Variants in TTC4 observed in about 807,000 individuals in gnomAD.
TTC4 encodes tetratricopeptide repeat domain 4, also known as hsp70/Hsp90 co-chaperone CNS1 homolog.
Under a neutral mutation model 51.9 loss-of-function variants are expected in TTC4, and 36 were observed. The observed-to-expected ratio is 0.69, with a 90% CI of 0.53 to 0.92. TTC4 has a LOEUF of 0.92. Ranked by LOEUF, TTC4 falls within the 40% of genes least tolerant of loss-of-function variation. The pLI, the probability that TTC4 is intolerant of heterozygous loss-of-function variation, is 0.00. For missense variants in TTC4, 399 were observed against 454.6 expected (o/e 0.88, Z 1.11); for synonymous variants, 144 against 164.2 (o/e 0.88, Z 0.94).
chr1:54,729,013 C>T (rs1645834433), intron 6 of TTC4, among the ~76,000 whole-genome samples: 1 of 152,178 alleles, frequency 6.6e-6, no homozygotes, highest in Non-Finnish European at 1.5e-5. Context: ...TTTATAGCTT[C>T]TATTTGGCAT....
chr1:54,732,944 G>A (rs952031912), intron 7 of TTC4, among the ~76,000 whole-genome samples: 1 of 151,430 alleles, frequency 6.6e-6, no homozygotes, highest in Non-Finnish European at 1.5e-5. Context: ...AAAATTAGCC[G>A]GGCATGGTGG....
At position 54,721,150 on chromosome 1, in the gene TTC4, G is replaced by A. The variant is rs909186373; in HGVS notation, c.392-13G>A. On this transcript the variant is annotated splice_polypyrimidine_tract_variant and intron_variant, in intron 3 of 9. Transcript: ENST00000371281. The stretch of plus-strand genomic sequence containing the variant: ...TCAAAACTTCTCTCTTTTACTAAAC[G>A]GTGTTTTGTTAGGCAATTTTCGTTC... The A allele has an allele frequency of 3.7e-6, 6 of 1,612,046 alleles. No homozygotes were observed. The highest frequency in any genetic ancestry group is 2.2e-5 in the South Asian group (2 of 90,968).
chr1:54,741,739 A>AT lies in TTC4; in HGVS notation c.*227dup, dbSNP rs1411127109. On this transcript the variant is annotated 3_prime_UTR_variant, in exon 10 of 10. Coordinates refer to ENST00000371281, the MANE Select transcript of TTC4 (RefSeq NM_004623.5). ...TGATATAAAACTCTGGGTCTTGGCC[A>AT]TGATGTCCTTGGACTCCATCGCTAA... 1 of 571,878 alleles carries AT rather than the reference A, an allele frequency of 1.7e-6. No homozygotes were observed. The highest frequency in any genetic ancestry group is 1.9e-5 in the African/African-American group (1 of 53,386). The allele number at this position is 571,878 out of a possible 1,614,324, so 35.4% of individuals were successfully genotyped here.
intron 8 of TTC4, chr1:54,736,708 G>C (rs1259183245): frequency 6.6e-6 from 1 of 152,368 alleles, no homozygotes; most frequent in Non-Finnish European, 1.5e-5. Context: ...TGTTTGATCA[G>C]TTCCCCTCCT....
intron 3 of TTC4, among the ~76,000 whole-genome samples, chr1:54,718,623 C>A (rs1645704819): frequency 6.6e-6 from 1 of 152,062 alleles, no homozygotes; most frequent in Non-Finnish European, 1.5e-5. Context: ...CTGAGATAGC[C>A]TGCAAGAAAA....
chr1:54,725,910 T>C (rs752841413), intron 5 of TTC4, among the ~76,000 whole-genome samples: 3 of 152,104 alleles, frequency 2.0e-5, no homozygotes, highest in Non-Finnish European at 2.9e-5. Context: ...GATGTATCAG[T>C]TGAGATTATC....
chr1:54,719,115 C>T (rs1343296072), intron 3 of TTC4, among the ~76,000 whole-genome samples: 1 of 152,058 alleles, frequency 6.6e-6, no homozygotes, highest in African/African-American at 2.4e-5. Flanking sequence ...GTCCAGAGAC[C>T]TACTGTTTTA....
At chr1:54,723,733 A>T (rs746738193) in intron 5 of TTC4, among the ~76,000 whole-genome samples, 27 of 152,326 alleles carry the variant, frequency 1.8e-4, no homozygotes, top group Non-Finnish European at 3.7e-4. Flanking sequence ...GTTTAACGTA[A>T]GGAATGTTTT....
chr1:54,739,057 A>T, intron 9 of TTC4, among the ~76,000 whole-genome samples: 1 of 149,916 alleles, frequency 6.7e-6, no homozygotes, highest in African/African-American at 2.5e-5. Context: ...TTTTAAATAG[A>T]GATGGGGTTT....
chr1:54,717,428 A>G (rs17110961), intron 2 of TTC4, 64 bp from the exon 3 acceptor site: 64,415 of 1,376,146 alleles, frequency 0.047, 1,663 homozygotes, highest in South Asian at 0.082. Flanking sequence ...CATGATTTAG[A>G]ATCTATTTTT....
chr1:54,717,596 G>A lies in TTC4; in HGVS notation c.334G>A (p.Asp112Asn). The A allele has an allele frequency of 6.2e-7, 1 of 1,612,122 alleles. No individual in the cohort carries two copies. Among genetic ancestry groups the A allele is most frequent in the Non-Finnish European group, 8.5e-7 (1 of 1,179,316 alleles). The part of the protein sequence containing the change: ...YTEGLKKKCA[D>N]PDLNAVLYTN... ...TGAAGGCTTAAAGAAGAAATGTGCA[G>A]ATCCTGATTTGAATGCTGTCCTTTA... Residue 112 changes from aspartate (D) to asparagine (N), a missense_variant, in exon 3 of 10, where the codon GAT becomes AAT. This residue lies in a region of TTC4 where 316 missense variants were observed against 349.6 expected (regional missense o/e 0.90). Transcript: ENST00000371281.
At chr1:54,720,786 T>A (rs1384735251) in intron 3 of TTC4, among the ~76,000 whole-genome samples, 2 of 152,206 alleles carry the variant, frequency 1.3e-5, no homozygotes, top group African/African-American at 4.8e-5. Flanking sequence ...AGAAGAAAAT[T>A]GTTGTGTCAA....
chr1:54,736,515 C>T (rs770727003), intron 8 of TTC4, among the ~76,000 whole-genome samples: 22 of 151,906 alleles, frequency 1.4e-4, no homozygotes, highest in South Asian at 2.1e-4. Flanking sequence ...GGACCACAGG[C>T]GTTTGCCACC....
intron 7 of TTC4, among the ~76,000 whole-genome samples, chr1:54,732,906 C>G (rs1191917535): frequency 6.6e-6 from 1 of 150,764 alleles, no homozygotes; most frequent in Middle Eastern, 3.4e-3. Flanking sequence ...GCAAACATGG[C>G]AAAATCCCGT....
chr1:54,737,505 A>G, intron 8 of TTC4, 77 bp from the exon 9 acceptor site: 1 of 1,389,300 alleles, frequency 7.2e-7, no homozygotes, highest in Non-Finnish European at 1.0e-6. Context: ...CATCTTTTTA[A>G]TTTTCCCTGG....
At position 54,717,208 on chromosome 1, in the gene TTC4, ATTCTT is replaced by A. The variant is rs1195029922; in HGVS notation, c.230-278_230-274del. Among the ~76,000 whole-genome samples, 14 of 152,200 alleles carry A rather than the reference ATTCTT, an allele frequency of 9.2e-5. 1 individual carries two copies. The highest frequency in any genetic ancestry group is 2.6e-4 in the Admixed American group (4 of 15,290). Reference sequence around the variant, plus strand: ...CTGATTTCTTCAGTGATTAAAAAAAATTCTTTTCTTCAACAGCTAGGATGAGTGTA... The same window carrying A: ...CTGATTTCTTCAGTGATTAAAAAAAATTCTTCAACAGCTAGGATGAGTGTA... On this transcript the variant is annotated intron_variant, in intron 2 of 9. Transcript: ENST00000371281.
rs1557752954 is a variant in TTC4, at chr1:54,736,222, GAAGAGGAGAGGAGAGAGA to G, written c.979-1358_979-1341del. 7.4e-3 allele frequency among the ~76,000 whole-genome samples: 892 copies of G among 120,162 alleles called. 65 individuals are homozygous for G. Among genetic ancestry groups the G allele is most frequent in the African/African-American group, 0.023 (680 of 29,510 alleles). The allele number at this position is 120,162 out of a possible 152,430, so 78.8% of individuals were successfully genotyped here. ...AGAGAGAGAGAGAGAGAGAGAGAGA[GAAGAGGAGAGGAGAGAGA>G]AGAGAGGAGAGAGGAGAGAGAGAGA... On this transcript the variant is annotated intron_variant, in intron 8 of 9. Transcript: ENST00000371281.
rs1465019585 is a variant in TTC4, at chr1:54,742,213, A to G, written c.*700A>G. 1 of 152,216 alleles carries G rather than the reference A, an allele frequency of 6.6e-6. No homozygotes were observed. Among genetic ancestry groups the G allele is most frequent in the Non-Finnish European group, 1.5e-5 (1 of 68,076 alleles). The allele number at this position is 152,216 out of a possible 1,614,324, so 9.4% of individuals were successfully genotyped here. On this transcript the variant is annotated 3_prime_UTR_variant, in exon 10 of 10. Transcript: ENST00000371281. ...ACATTTAGGATTTTGTGTCTTTTAAACTGGAAAATCTTCTAGCATGTTGGG... is the reference window on the plus strand; with the variant it reads ...ACATTTAGGATTTTGTGTCTTTTAAGCTGGAAAATCTTCTAGCATGTTGGG...
In TTC4 at chr1:54,741,390, CT is replaced by C; in HGVS notation, c.1062-17del. On this transcript the variant is annotated intron_variant, in intron 9 of 9. Transcript: ENST00000371281. Reference sequence around the variant, plus strand: ...GATTGTAATTAAATTAACACCCTCTCTTTTGTTGTGTTCACGGCAGGTACTT... The same window carrying C: ...GATTGTAATTAAATTAACACCCTCTCTTTGTTGTGTTCACGGCAGGTACTT... 1.3e-6 allele frequency: 2 copies of C among 1,594,656 alleles called. No individual in the cohort carries two copies. Among genetic ancestry groups the C allele is most frequent in the Non-Finnish European group, 8.6e-7 (1 of 1,162,184 alleles).
Sources: gnomAD v4.1 joint callset for allele counts (sites outside exome capture counted in the v4.1 genomes callset) on GRCh38, gnomAD v4.1.1 for gene constraint, gnomAD v4.1.1 regional missense constraint, MANE v1.5 for transcripts, NCBI Gene and HGNC (gene_info 2026-07-23, HGNC 2026-07-21) for gene names.